The following CTNNA3 variants were observed in gnomAD, a reference collection of about 807,000 sequenced individuals.
The protein encoded by CTNNA3 is catenin alpha-3.
Under a neutral mutation model 95.7 loss-of-function variants are expected in CTNNA3, and 76 were observed. The ratio of observed to expected loss-of-function variants is 0.79; its 90% CI spans 0.66 to 0.96. The LOEUF is 0.96. Among genes scored for constraint, CTNNA3 ranks in the 40% least tolerant of loss-of-function variants. CTNNA3 has a pLI of 0.00. For missense variants in CTNNA3, 1,191 were observed against 1,089.8 expected (o/e 1.09, Z -1.31); for synonymous variants, 431 against 374.4 (o/e 1.15, Z -1.74).
At chr10:66,241,914 G>C (rs1268248834) in intron 13 of CTNNA3, among the ~76,000 whole-genome samples, 1 of 151,980 alleles carries the variant, frequency 6.6e-6, no homozygotes, top group South Asian at 2.1e-4. Flanking sequence ...AAATACAGGA[G>C]AATACTTTCA....
intron 4 of CTNNA3, among the ~76,000 whole-genome samples, chr10:67,532,275 C>T (rs1840352057): frequency 1.3e-5 from 2 of 152,164 alleles, no homozygotes; most frequent in African/African-American, 2.4e-5. Flanking sequence ...CCTTTATCAG[C>T]TGCTGATATC....
At chr10:66,118,795 G>C (rs905815344) in intron 13 of CTNNA3, among the ~76,000 whole-genome samples, 4 of 152,098 alleles carry the variant, frequency 2.6e-5, no homozygotes, top group African/African-American at 9.7e-5. Context: ...AGATGAAAAA[G>C]CATGCCATAT....
chr10:66,046,000 T>C (rs1417114317), intron 15 of CTNNA3, among the ~76,000 whole-genome samples: 1 of 152,070 alleles, frequency 6.6e-6, no homozygotes, highest in Non-Finnish European at 1.5e-5. Flanking sequence ...CTGGTGTGCA[T>C]GGCTGTCAGG....
At chr10:66,161,360 G>A (rs1412738774) in intron 13 of CTNNA3, among the ~76,000 whole-genome samples, 3 of 152,150 alleles carry the variant, frequency 2.0e-5, no homozygotes, top group Admixed American at 6.5e-5. Context: ...AAGACTTAGA[G>A]CTCCTTTTAG....
intron 11 of CTNNA3, among the ~76,000 whole-genome samples, chr10:66,451,523 T>TA (rs1267683787): frequency 1.3e-5 from 2 of 152,170 alleles, no homozygotes; most frequent in African/African-American, 4.8e-5. Context: ...AGCAATTTGT[T>TA]AATCAAGTGT....
chr10:66,272,516 C>T (rs1161870749), intron 13 of CTNNA3, among the ~76,000 whole-genome samples: 1 of 152,042 alleles, frequency 6.6e-6, no homozygotes, highest in East Asian at 1.9e-4. Flanking sequence ...TGACAGGGAA[C>T]TATGATCATT....
chr10:66,353,558 C>T (rs1354610169), intron 12 of CTNNA3, among the ~76,000 whole-genome samples: 1 of 152,106 alleles, frequency 6.6e-6, no homozygotes, highest in Middle Eastern at 3.4e-3. Flanking sequence ...ACTAGTGTGA[C>T]GTGTGTTTCT....
intron 17 of CTNNA3, among the ~76,000 whole-genome samples, chr10:65,928,200 T>G (rs780113495): frequency 7.2e-5 from 11 of 152,162 alleles, no homozygotes; most frequent in African/African-American, 2.4e-4. Flanking sequence ...GTGCAGTACA[T>G]TTTTTTCATA....
chr10:66,332,292 A>T (rs2092340136), intron 12 of CTNNA3, among the ~76,000 whole-genome samples: 1 of 151,776 alleles, frequency 6.6e-6, no homozygotes, highest in Non-Finnish European at 1.5e-5. Flanking sequence ...GTTGAATAGG[A>T]GTGGTGAGAG....
intron 7 of CTNNA3, among the ~76,000 whole-genome samples, chr10:66,971,768 A>C (rs2132829643): frequency 6.6e-6 from 1 of 152,282 alleles, no homozygotes; most frequent in South Asian, 2.1e-4. Flanking sequence ...ATATACCATA[A>C]ACATAATTTA....
intron 12 of CTNNA3, among the ~76,000 whole-genome samples, chr10:66,296,243 G>T (rs12411324): frequency 0.072 from 10,979 of 152,072 alleles, 515 homozygotes; most frequent in Admixed American, 0.12. Context: ...AGATGAAATT[G>T]CCCTGTCAGA....
At chr10:67,699,693 G>A (rs544196263), upstream of CTNNA3, among the ~76,000 whole-genome samples, 149 of 152,350 alleles carry the variant, frequency 9.8e-4, no homozygotes, top group African/African-American at 2.9e-3. Context: ...CAGCATGAGC[G>A]ACGCAGAAGA....
At chr10:67,105,017 T>G (rs1284292238) in intron 7 of CTNNA3, among the ~76,000 whole-genome samples, 2 of 151,992 alleles carry the variant, frequency 1.3e-5, no homozygotes, top group African/African-American at 2.4e-5. Context: ...GGGTTGAAGA[T>G]GTGGTAAAAA....
chr10:66,902,797 G>T (rs907426382), intron 7 of CTNNA3, among the ~76,000 whole-genome samples: 2 of 152,048 alleles, frequency 1.3e-5, no homozygotes, highest in African/African-American at 4.8e-5. Context: ...ATAAATTGCT[G>T]GACACATACA....
At chr10:67,683,964 G>A (rs1386848854) in intron 1 of CTNNA3, among the ~76,000 whole-genome samples, 4 of 152,216 alleles carry the variant, frequency 2.6e-5, no homozygotes, top group African/African-American at 9.6e-5. Context: ...GCTCATAAAG[G>A]TAATGCGAAC....
chr10:67,613,892 G>T (rs7098415), intron 2 of CTNNA3, among the ~76,000 whole-genome samples: 20,015 of 152,008 alleles, frequency 0.13, 1,412 homozygotes, highest in Non-Finnish European at 0.16. Context: ...GCCCGGAGTT[G>T]GTTCCTTCTG....
chr10:66,179,568 T>A (rs996693869), intron 13 of CTNNA3, among the ~76,000 whole-genome samples: 9 of 152,094 alleles, frequency 5.9e-5, no homozygotes, highest in Non-Finnish European at 1.0e-4. Flanking sequence ...TCTATAGTTA[T>A]CTCAAAATAA....
At chr10:66,337,962 A>G (rs1050027049) in intron 12 of CTNNA3, among the ~76,000 whole-genome samples, 1 of 152,032 alleles carries the variant, frequency 6.6e-6, no homozygotes, top group African/African-American at 2.4e-5. Context: ...TAGCTAAGAC[A>G]AATAAAGTAT....
intron 10 of CTNNA3, among the ~76,000 whole-genome samples, chr10:66,574,014 C>T (rs1161791220): frequency 6.6e-6 from 1 of 152,050 alleles, no homozygotes; most frequent in Admixed American, 6.6e-5. Flanking sequence ...GTTGAGGTTA[C>T]CAAGATTATC....
Sources: gnomAD v4.1 joint callset for allele counts (sites outside exome capture counted in the v4.1 genomes callset) on GRCh38, gnomAD v4.1.1 for gene constraint, MANE v1.5 for transcripts, NCBI Gene and HGNC (gene_info 2026-07-23, HGNC 2026-07-21) for gene names.